Variants in ATIC observed in about 807,000 individuals in gnomAD.
ATIC encodes bifunctional purine biosynthesis protein ATIC.
ATIC carries 64 observed loss-of-function variants against 72.5 expected under a neutral mutation model. The observed-to-expected ratio is 0.88, with a 90% CI of 0.72 to 1.09. The LOEUF is 1.09. Ranked by LOEUF, ATIC falls within the 50% of genes least tolerant of loss-of-function variation. The probability of loss-of-function intolerance (pLI) is 0.00; values close to 1 mark genes in which losing one functional copy is unlikely to be tolerated. For synonymous variants in ATIC, 281 were observed against 267.1 expected (o/e 1.05, Z -0.51); for missense variants, 787 against 732.4 (o/e 1.07, Z -0.86).
intron 4 of ATIC, among the ~76,000 whole-genome samples, chr2:215,320,587 A>AATTTT (rs572165681): frequency 5.7e-4 from 87 of 152,014 alleles, no homozygotes; most frequent in Non-Finnish European, 7.1e-4. Flanking sequence ...AATTTAATTT[A>AATTTT]ATTTTATTTT....
At chr2:215,351,293 G>A (rs145058672), downstream of ATIC, among the ~76,000 whole-genome samples, 230 of 152,332 alleles carry the variant, frequency 1.5e-3, no homozygotes, top group Non-Finnish European at 2.8e-3. Context: ...GCCCAAAAGA[G>A]CTCTTGAATT....
intron 7 of ATIC, among the ~76,000 whole-genome samples, chr2:215,330,791 G>A (rs896404872): frequency 1.3e-5 from 2 of 149,762 alleles, no homozygotes; most frequent in Admixed American, 1.3e-4. Flanking sequence ...CAGTCCTTCC[G>A]CCTTGGCCTC....
chr2:215,326,232 C>T, intron 6 of ATIC, 94 bp downstream of exon 6: 3 of 1,470,210 alleles, frequency 2.0e-6, no homozygotes, highest in Non-Finnish European at 1.9e-6. Flanking sequence ...ATTGCATTAC[C>T]TACCAAAGCT....
At chr2:215,350,105 G>A (rs1371920209), downstream of ATIC, among the ~76,000 whole-genome samples, 5 of 152,030 alleles carry the variant, frequency 3.3e-5, no homozygotes, top group South Asian at 4.1e-4. Flanking sequence ...TTCTCATGCC[G>A]TTTTTGTTTG....
At chr2:215,349,508 G>T (rs368330474) in intron 15 of ATIC, 28 bp from the exon 16 acceptor site, 5 of 1,613,974 alleles carry the variant, frequency 3.1e-6, no homozygotes, top group Non-Finnish European at 4.2e-6. Context: ...ATAAAATCGC[G>T]TTTTGAAAAT....
chr2:215,312,139 A>T lies in ATIC; in HGVS notation c.-4A>T. On this transcript the variant is annotated 5_prime_UTR_variant, in exon 1 of 16. Coordinates refer to ENST00000236959, the MANE Select transcript of ATIC (RefSeq NM_004044.7). ...CGCTCGCCCTGAACCCAGTGCCTGC[A>T]GCCATGGCTCCCGGCCAGCTCGGTG... 2 of 1,526,438 alleles carry T rather than the reference A, an allele frequency of 1.3e-6. No individual in the cohort carries two copies. Among genetic ancestry groups the T allele is most frequent in the Non-Finnish European group, 1.7e-6 (2 of 1,143,504 alleles). 94.6% of individuals were successfully genotyped at this position (1,526,438 alleles called of 1,614,324 possible). A position where few individuals can be genotyped will look rare whatever the true frequency, so the allele number is the denominator to read the frequency against.
intron 1 of ATIC, 86 bp from the exon 2 acceptor site, chr2:215,312,411 GA>G (rs2052663223): frequency 6.2e-7 from 1 of 1,608,052 alleles, no homozygotes; most frequent in South Asian, 1.1e-5. Context: ...TGCGATTCGA[GA>G]ATCTCCTCCC....
chr2:215,349,177 GA>G lies in ATIC; in HGVS notation c.1590del (p.Lys530AsnfsTer2). On this transcript the variant is annotated frameshift_variant, in exon 15 of 16. Coordinates refer to ENST00000236959, the MANE Select transcript of ATIC (RefSeq NM_004044.7). LOFTEE classifies it high-confidence loss of function. ...TEAEKKEWVE[K>X]LTEVSISSDA... ...AGGCAGAGAAGAAGGAATGGGTTGAGAAACTGACTGAAGTTTCTATCAGCTC... is the reference window on the plus strand; with the variant it reads ...AGGCAGAGAAGAAGGAATGGGTTGAGAACTGACTGAAGTTTCTATCAGCTC... 1 of 1,614,150 alleles carries G rather than the reference GA, an allele frequency of 6.2e-7. No homozygotes were observed. The highest frequency in any genetic ancestry group is 2.2e-5 in the East Asian group (1 of 44,868).
chr2:215,336,667 A>C (rs2052958253), intron 11 of ATIC, among the ~76,000 whole-genome samples: 2 of 152,174 alleles, frequency 1.3e-5, no homozygotes, highest in African/African-American at 4.8e-5. Flanking sequence ...ACCCTGCTTC[A>C]CCTTCTTGGA....
chr2:215,312,662 C>G (rs141907341), intron 2 of ATIC, 38 bp downstream of exon 2: 1 of 1,613,882 alleles, frequency 6.2e-7, no homozygotes, highest in Admixed American at 1.7e-5. Flanking sequence ...GGAGTGTGAT[C>G]ACATTAACCA....
In ATIC at chr2:215,326,103, A is replaced by G; in HGVS notation, c.496A>G (p.Thr166Ala). 2.5e-6 allele frequency: 4 copies of G among 1,613,990 alleles called. No individual in the cohort carries two copies. In the South Asian group the frequency reaches 4.4e-5, roughly 18 times the overall value. ...GATGCAGAGCTCCGAGAGTAAGGAC[A>G]CCTCCTTGGAGACTAGACGCCAGTT... ...TEMQSSESKD[T>A]SLETRRQLAL... is the part of the protein sequence containing the mutation. Residue 166 changes from threonine to alanine, a missense_variant, in exon 6 of 16, where the codon ACC becomes GCC. Coordinates refer to ENST00000236959, the MANE Select transcript of ATIC (RefSeq NM_004044.7).
intron 2 of ATIC, among the ~76,000 whole-genome samples, chr2:215,317,662 T>A (rs1193632186): frequency 1.3e-5 from 2 of 152,016 alleles, no homozygotes; most frequent in Admixed American, 1.3e-4. Flanking sequence ...ATTTTTTGTA[T>A]TTTTTTAGTA....
intron 4 of ATIC, 23 bp downstream of exon 4, chr2:215,319,754 T>A: frequency 6.4e-7 from 1 of 1,574,600 alleles, no homozygotes; most frequent in South Asian, 1.1e-5. Context: ...AATTAAACTT[T>A]TAACACATTA....
chr2:215,320,755 A>G (rs937987586), intron 4 of ATIC, among the ~76,000 whole-genome samples: 3 of 151,946 alleles, frequency 2.0e-5, no homozygotes, highest in African/African-American at 4.8e-5. Flanking sequence ...CATTTTTACT[A>G]TTTTTAGTAG....
intron 13 of ATIC, chr2:215,345,159 A>C: frequency 2.2e-6 from 1 of 444,746 alleles, no homozygotes. Flanking sequence ...AAACTGGATT[A>C]TTTCCTTTCC....
chr2:215,320,104 G>A (rs2052751677), intron 4 of ATIC, among the ~76,000 whole-genome samples: 1 of 152,150 alleles, frequency 6.6e-6, no homozygotes, highest in African/African-American at 2.4e-5. Flanking sequence ...GTGTCATGTT[G>A]ACGCTCAAAA....
intron 14 of ATIC, chr2:215,347,710 A>G (rs573193163): frequency 4.2e-6 from 2 of 478,148 alleles, no homozygotes; most frequent in African/African-American, 4.0e-5. Context: ...CAACTTTGAT[A>G]CTTGGATTTT....
the ATIC span, chr2:215,364,921 A>C: frequency 6.3e-7 from 1 of 1,574,984 alleles, no homozygotes; most frequent in Non-Finnish European, 8.6e-7. Context: ...TGGCACCGAG[A>C]TATTCCTTCT....
chr2:215,327,968 G>A (rs969952650), intron 7 of ATIC, among the ~76,000 whole-genome samples: 2 of 151,246 alleles, frequency 1.3e-5, no homozygotes, highest in East Asian at 3.9e-4. Flanking sequence ...CGCAATCTCT[G>A]GTTCAAGCGA....
Sources: gnomAD v4.1 joint callset for allele counts (sites outside exome capture counted in the v4.1 genomes callset) on GRCh38, gnomAD v4.1.1 for gene constraint, MANE v1.5 for transcripts, NCBI Gene and HGNC (gene_info 2026-07-23, HGNC 2026-07-21) for gene names.